Variants in GRID2 observed in about 807,000 individuals in gnomAD.
The protein encoded by GRID2 is glutamate ionotropic receptor delta type subunit 2.
GRID2 carries 33 observed loss-of-function variants against 114.8 expected under a neutral mutation model. That is an observed-to-expected ratio of 0.29 (90% CI 0.22 to 0.38). The LOEUF is 0.38. Among genes scored for constraint, GRID2 ranks in the 10% least tolerant of loss-of-function variants. The pLI is 1.00. For synonymous variants in GRID2, 505 were observed against 449.9 expected, an observed-to-expected ratio of 1.12 and a Z score of -1.55; for missense variants, 1,184 against 1,257.7, an observed-to-expected ratio of 0.94 and a Z score of 0.89.
chr4:92,306,220 A>G (rs1725398668), intron 1 of GRID2, among the ~76,000 whole-genome samples: 1 of 152,244 alleles, frequency 6.6e-6, no homozygotes, highest in Non-Finnish European at 1.5e-5. Context: ...TATCATTTAT[A>G]TCAGTAGAAC....
At chr4:93,223,693 TAG>T (rs1370874187) in intron 6 of GRID2, among the ~76,000 whole-genome samples, 1 of 152,162 alleles carries the variant, frequency 6.6e-6, no homozygotes, top group East Asian at 1.9e-4. Flanking sequence ...TTATTTTATA[TAG>T]AGTTTTTCCT....
intron 2 of GRID2, among the ~76,000 whole-genome samples, chr4:92,667,616 TG>T (rs1732852993): frequency 6.6e-6 from 1 of 151,654 alleles, no homozygotes; most frequent in South Asian, 2.1e-4. Flanking sequence ...TACTTATTTT[TG>T]CCTAGACTAT....
intron 2 of GRID2, among the ~76,000 whole-genome samples, chr4:92,667,031 T>C (rs1185606708): frequency 1.3e-5 from 2 of 151,552 alleles, no homozygotes; most frequent in Admixed American, 6.6e-5. Context: ...TGAAAACTGC[T>C]CTAGTAACAT....
At chr4:92,433,169 A>G (rs1161609394) in intron 1 of GRID2, among the ~76,000 whole-genome samples, 1 of 152,060 alleles carries the variant, frequency 6.6e-6, no homozygotes, top group African/African-American at 2.4e-5. Context: ...TTCAAGTAGA[A>G]GGAAGGAGAC....
At chr4:93,523,027 C>G (rs1195080707) in intron 13 of GRID2, among the ~76,000 whole-genome samples, 1 of 151,922 alleles carries the variant, frequency 6.6e-6, no homozygotes, top group Non-Finnish European at 1.5e-5. Context: ...AGTTAGTGAC[C>G]ACTCAGTAAC....
intron 6 of GRID2, among the ~76,000 whole-genome samples, chr4:93,223,080 A>G (rs1745080234): frequency 6.6e-6 from 1 of 152,148 alleles, no homozygotes; most frequent in Admixed American, 6.6e-5. Flanking sequence ...CTGGGCATGT[A>G]TCCTTCATGT....
chr4:93,312,164 A>G lies in GRID2; in HGVS notation c.1245+73674A>G, dbSNP rs1054980992. Among the ~76,000 whole-genome samples the G allele has an allele frequency of 6.6e-5, 10 of 152,174 alleles. 1 individual carries two copies. The highest frequency in any genetic ancestry group is 1.5e-5 in the Non-Finnish European group (1 of 68,040). ...TCATTTACTATAATCAGCAAACAGC[A>G]GGCACAGACCATGGCCCTAAGGAAC... On this transcript the variant is annotated intron_variant, in intron 8 of 15. Coordinates refer to ENST00000282020, the MANE Select transcript of GRID2 (RefSeq NM_001510.4).
intron 3 of GRID2, among the ~76,000 whole-genome samples, chr4:93,108,569 TAAAG>T (rs1732463941): frequency 1.3e-5 from 2 of 152,134 alleles, no homozygotes; most frequent in Admixed American, 1.3e-4. Flanking sequence ...GTAACTCAAA[TAAAG>T]AACAACTTAC....
chr4:93,145,863 CAT>C (rs1392979195), intron 4 of GRID2, among the ~76,000 whole-genome samples: 105 of 92,688 alleles, frequency 1.1e-3, no homozygotes, highest in Non-Finnish European at 1.8e-3. Flanking sequence ...CACACACACA[CAT>C]ACACACACAC....
At chr4:93,493,411 G>A (rs1348530912) in intron 12 of GRID2, among the ~76,000 whole-genome samples, 1 of 151,736 alleles carries the variant, frequency 6.6e-6, no homozygotes, top group Non-Finnish European at 1.5e-5. Flanking sequence ...TCTTCTTATT[G>A]CCATTTTATG....
chr4:92,315,149 A>G (rs1270108694), intron 1 of GRID2, among the ~76,000 whole-genome samples: 1 of 152,162 alleles, frequency 6.6e-6, no homozygotes, highest in Non-Finnish European at 1.5e-5. Flanking sequence ...CACCTAAAAT[A>G]ATAATATCTG....
At chr4:93,533,279 T>G (rs1447863893) in intron 13 of GRID2, among the ~76,000 whole-genome samples, 5 of 136,208 alleles carry the variant, frequency 3.7e-5, no homozygotes, top group Admixed American at 2.2e-4. Context: ...CCTTCCTTCC[T>G]TCCTTCCTTC....
intron 4 of GRID2, among the ~76,000 whole-genome samples, chr4:93,202,938 A>G (rs1033918515): frequency 6.6e-6 from 1 of 151,684 alleles, no homozygotes; most frequent in African/African-American, 2.4e-5. Flanking sequence ...GTTTCACTGA[A>G]TATATATATA....
chr4:92,481,932 A>C, intron 1 of GRID2, among the ~76,000 whole-genome samples: 1 of 131,288 alleles, frequency 7.6e-6, no homozygotes, highest in Non-Finnish European at 1.7e-5. Context: ...TTGCAAAGAC[A>C]TGGAATCTAT....
chr4:92,745,415 G>A (rs1276239930), intron 2 of GRID2, among the ~76,000 whole-genome samples: 5 of 151,802 alleles, frequency 3.3e-5, no homozygotes, highest in African/African-American at 1.2e-4. Flanking sequence ...TCTTTGCCTA[G>A]GCATATTGTA....
At chr4:92,592,908 T>C (rs1290185475) in intron 2 of GRID2, among the ~76,000 whole-genome samples, 1 of 152,070 alleles carries the variant, frequency 6.6e-6, no homozygotes, top group African/African-American at 2.4e-5. Context: ...GAAGCACTAT[T>C]TTCTTCAATG....
chr4:93,005,369 C>G (rs1270121265), intron 2 of GRID2, among the ~76,000 whole-genome samples: 1 of 152,014 alleles, frequency 6.6e-6, no homozygotes, highest in Non-Finnish European at 1.5e-5. Context: ...CTCTGACTTT[C>G]CACTGTGAAT....
chr4:93,263,583 A>G (rs1262580202), intron 8 of GRID2, among the ~76,000 whole-genome samples: 1 of 152,102 alleles, frequency 6.6e-6, no homozygotes, highest in Non-Finnish European at 1.5e-5. Context: ...ATCTTAGTAT[A>G]TTATATTTGA....
intron 8 of GRID2, among the ~76,000 whole-genome samples, chr4:93,248,688 A>C (rs1748475254): frequency 6.6e-6 from 1 of 152,130 alleles, no homozygotes; most frequent in South Asian, 2.1e-4. Context: ...TTGAGCATTA[A>C]TTTCACAAAA....
Sources: gnomAD v4.1 joint callset for allele counts (sites outside exome capture counted in the v4.1 genomes callset) on GRCh38, gnomAD v4.1.1 for gene constraint, MANE v1.5 for transcripts, NCBI Gene and HGNC (gene_info 2026-07-23, HGNC 2026-07-21) for gene names.